Variants in EYS observed in about 807,000 individuals in gnomAD.
EYS encodes the protein protein eyes shut homolog.
Under a neutral mutation model 282.1 loss-of-function variants are expected in EYS, and 250 were observed. The ratio of observed to expected loss-of-function variants is 0.89; its 90% CI spans 0.80 to 0.98. The LOEUF is 0.98. EYS is among the 50% of genes least tolerant of loss of function. The probability of loss-of-function intolerance (pLI) is 0.00; values close to 1 mark genes in which losing one functional copy is unlikely to be tolerated. For synonymous variants in EYS, 1,355 were observed against 1,282.9 expected, an observed-to-expected ratio of 1.06 and a Z score of -1.20; for missense variants, 4,016 against 3,709.0, an observed-to-expected ratio of 1.08 and a Z score of -2.15.
intron 12 of EYS, among the ~76,000 whole-genome samples, chr6:65,198,085 C>G (rs1013279582): frequency 6.6e-6 from 1 of 151,986 alleles, no homozygotes; most frequent in Non-Finnish European, 1.5e-5. Flanking sequence ...TTTATATAGG[C>G]TTTTTTCTAT....
intron 22 of EYS, among the ~76,000 whole-genome samples, chr6:64,694,112 G>C (rs1190733833): frequency 1.3e-5 from 2 of 152,082 alleles, no homozygotes; most frequent in African/African-American, 2.4e-5. Flanking sequence ...AAAGTTAAAT[G>C]ATAGTAGCTG....
At chr6:65,545,314 G>A (rs372833160) in intron 2 of EYS, among the ~76,000 whole-genome samples, 1 of 151,732 alleles carries the variant, frequency 6.6e-6, no homozygotes, top group East Asian at 1.9e-4. Flanking sequence ...ATATATGACT[G>A]GTTGTGAATA....
In EYS at chr6:65,494,828, T is replaced by G. The variant is rs753945993; in HGVS notation, c.583A>C (p.Ser195Arg). ...GHGKCLSEAW[S>R]KTYSCHCQPP... ...TGGCAATGGCAGCTATATGTCTTGC[T>G]CCAAGCTTCACTAAGACATTTACCA... Residue 195 changes from serine to arginine, a missense_variant, in exon 4 of 43, where the codon AGC (serine) becomes CGC (arginine). Physicochemically the swap from Ser to Arg is moderately radical, Grantham distance 110. Coordinates refer to ENST00000503581, the MANE Select transcript of EYS (RefSeq NM_001142800.2). 1.1e-5 allele frequency: 17 copies of G among 1,613,976 alleles called. No individual in the cohort carries two copies. Among genetic ancestry groups the G allele is most frequent in the Admixed American group, 3.3e-5 (2 of 60,002 alleles).
At chr6:64,421,392 A>T (rs1774229134) in intron 28 of EYS, among the ~76,000 whole-genome samples, 3 of 152,164 alleles carry the variant, frequency 2.0e-5, no homozygotes. Context: ...ATTCAAGATG[A>T]GATTTGGGTG....
At chr6:64,126,302 C>T (rs142489012) in intron 31 of EYS, among the ~76,000 whole-genome samples, 2,911 of 130,422 alleles carry the variant, frequency 0.022, 92 homozygotes, top group African/African-American at 0.074. Flanking sequence ...TTGGAACCAA[C>T]CCAAATGTCC....
At chr6:64,428,934 TC>T (rs1774497896) in intron 28 of EYS, among the ~76,000 whole-genome samples, 1 of 152,256 alleles carries the variant, frequency 6.6e-6, no homozygotes, top group Admixed American at 6.5e-5. Context: ...GCTATGTGCT[TC>T]TTTTGGTAAC....
chr6:65,142,239 T>G (rs1186257754), intron 12 of EYS, among the ~76,000 whole-genome samples: 12 of 152,036 alleles, frequency 7.9e-5, no homozygotes, highest in Non-Finnish European at 8.8e-5. Flanking sequence ...ATTTTATTTC[T>G]CTTTAGTTTG....
At chr6:64,743,008 A>G (rs550302889) in intron 22 of EYS, among the ~76,000 whole-genome samples, 1 of 152,114 alleles carries the variant, frequency 6.6e-6, no homozygotes, top group South Asian at 2.1e-4. Context: ...TTCCTCCCAT[A>G]CTGTGCTATC....
At chr6:65,643,284 C>A (rs970710396) in intron 1 of EYS, among the ~76,000 whole-genome samples, 1 of 152,118 alleles carries the variant, frequency 6.6e-6, no homozygotes. Flanking sequence ...TCTTTGGTGA[C>A]CTGTACGACT....
At chr6:65,628,429 A>C (rs967977807) in intron 2 of EYS, among the ~76,000 whole-genome samples, 5 of 152,202 alleles carry the variant, frequency 3.3e-5, no homozygotes, top group African/African-American at 1.2e-4. Flanking sequence ...AGAGAATAAA[A>C]GCAGGCTGCC....
At chr6:64,438,887 AAT>A (rs972494826) in intron 27 of EYS, among the ~76,000 whole-genome samples, 6 of 151,584 alleles carry the variant, frequency 4.0e-5, no homozygotes, top group African/African-American at 1.4e-4. Flanking sequence ...TAAATTTATA[AAT>A]ATGTGATTAA....
At chr6:64,415,323 A>C (rs1774025893) in intron 28 of EYS, among the ~76,000 whole-genome samples, 1 of 152,218 alleles carries the variant, frequency 6.6e-6, no homozygotes, top group Admixed American at 6.5e-5. Context: ...CACAAGTTCC[A>C]CAAGGTCACA....
At chr6:65,613,601 T>C (rs893149800) in intron 2 of EYS, among the ~76,000 whole-genome samples, 4 of 151,842 alleles carry the variant, frequency 2.6e-5, no homozygotes, top group African/African-American at 4.8e-5. Context: ...TATTTAAATA[T>C]GTACACAAGT....
chr6:64,333,554 C>G (rs1009467211), intron 29 of EYS, among the ~76,000 whole-genome samples: 2 of 152,074 alleles, frequency 1.3e-5, no homozygotes, highest in African/African-American at 4.8e-5. Context: ...ATAGGGTGCA[C>G]AACTGGAACA....
chr6:65,007,213 C>A (rs1488864910), intron 13 of EYS, among the ~76,000 whole-genome samples: 2 of 151,956 alleles, frequency 1.3e-5, no homozygotes, highest in Admixed American at 1.3e-4. Context: ...AGCATTAGGA[C>A]CATAGAGGAT....
chr6:65,464,536 A>G (rs967304147), intron 5 of EYS, among the ~76,000 whole-genome samples: 1 of 152,188 alleles, frequency 6.6e-6, no homozygotes. Flanking sequence ...TAATCAATAT[A>G]CAAATATTTT....
chr6:64,104,689 C>T (rs915437364), intron 31 of EYS, among the ~76,000 whole-genome samples: 13 of 149,328 alleles, frequency 8.7e-5, no homozygotes, highest in African/African-American at 3.2e-4. Flanking sequence ...GGTAATGTCT[C>T]TATGAAAATG....
chr6:65,315,996 T>C (rs1189019941), intron 11 of EYS, among the ~76,000 whole-genome samples: 2 of 152,170 alleles, frequency 1.3e-5, no homozygotes, highest in East Asian at 3.8e-4. Context: ...TTAATTTGCA[T>C]TTCTCTGACT....
At chr6:65,165,705 C>T (rs1400777184) in intron 12 of EYS, among the ~76,000 whole-genome samples, 2 of 150,784 alleles carry the variant, frequency 1.3e-5, no homozygotes, top group African/African-American at 4.9e-5. Flanking sequence ...CAGACCACAA[C>T]ATTGTACTGA....
Sources: allele counts gnomAD v4.1 joint callset (sites outside exome capture counted in the v4.1 genomes callset), GRCh38; gene constraint gnomAD v4.1.1; transcripts MANE v1.5; gene names NCBI Gene and HGNC (gene_info 2026-07-23, HGNC 2026-07-21).